Variants in NRXN1 observed in about 807,000 individuals in gnomAD.
The protein encoded by NRXN1 is neurexin 1, also known as neurexin-1.
Under a neutral mutation model 150.9 loss-of-function variants are expected in NRXN1, and 39 were observed. That is an observed-to-expected ratio of 0.26 (90% CI 0.20 to 0.34). The LOEUF (loss-of-function observed/expected upper bound fraction) is 0.34, where lower values mean the gene tolerates loss of function less well. Among genes scored for constraint, NRXN1 ranks in the 10% least tolerant of loss-of-function variants. The probability of loss-of-function intolerance (pLI) is 1.00; values close to 1 mark genes in which losing one functional copy is unlikely to be tolerated. For synonymous variants in NRXN1, 924 were observed against 757.0 expected (o/e 1.22, Z -3.62); for missense variants, 1,815 against 1,949.9 (o/e 0.93, Z 1.30).
chr2:50,722,445 A>G (rs1169102150), intron 5 of NRXN1, among the ~76,000 whole-genome samples: 4 of 152,220 alleles, frequency 2.6e-5, no homozygotes, highest in African/African-American at 7.2e-5. Context: ...ATGGAATACC[A>G]CATAGCCATT....
At chr2:50,656,757 A>T (rs1275261251) in intron 5 of NRXN1, among the ~76,000 whole-genome samples, 1 of 151,932 alleles carries the variant, frequency 6.6e-6, no homozygotes, top group Non-Finnish European at 1.5e-5. Context: ...AGAAAAAAAA[A>T]AAGACAAAAC....
intron 5 of NRXN1, among the ~76,000 whole-genome samples, chr2:50,767,192 T>C (rs896878221): frequency 6.6e-6 from 1 of 152,092 alleles, no homozygotes; most frequent in Non-Finnish European, 1.5e-5. Flanking sequence ...TCTTGGAGTA[T>C]ATGCCTTAAA....
At chr2:50,228,078 C>T (rs1397684591) in intron 18 of NRXN1, among the ~76,000 whole-genome samples, 1 of 151,940 alleles carries the variant, frequency 6.6e-6, no homozygotes, top group Non-Finnish European at 1.5e-5. Flanking sequence ...GTTTTGACAG[C>T]TTGGCATAAG....
At chr2:50,866,343 T>A (rs748449123) in intron 5 of NRXN1, among the ~76,000 whole-genome samples, 1 of 151,996 alleles carries the variant, frequency 6.6e-6, no homozygotes, top group Non-Finnish European at 1.5e-5. Context: ...TAAATTATTA[T>A]GAATTGTGTA....
intron 5 of NRXN1, among the ~76,000 whole-genome samples, chr2:50,779,975 C>A (rs1044341012): frequency 6.6e-6 from 1 of 152,084 alleles, no homozygotes; most frequent in Non-Finnish European, 1.5e-5. Context: ...ATAATTTACA[C>A]TCCCACCAAC....
At position 50,739,216 on chromosome 2, in the gene NRXN1, G is replaced by A. The variant is rs145861836; in HGVS notation, c.833-115601C>T. On this transcript the variant is annotated intron_variant, in intron 5 of 22. Transcript: ENST00000401669. Reference sequence around the variant, plus strand: ...ATTTTCTGACAGTACAGTAGAAATCGACCAAGGGCACTGGGTTCATTGAGG... The same window carrying A: ...ATTTTCTGACAGTACAGTAGAAATCAACCAAGGGCACTGGGTTCATTGAGG... The A allele has an allele frequency of 2.6e-3, 1,270 of 489,400 alleles. 9 individuals are homozygous for A. Among genetic ancestry groups the A allele is most frequent in the Non-Finnish European group, 4.5e-3 (1,101 of 243,574 alleles). 30.3% of individuals were successfully genotyped at this position (489,400 alleles called of 1,614,324 possible). A position where few individuals can be genotyped will look rare whatever the true frequency, so the allele number is the denominator to read the frequency against.
At chr2:50,025,053 G>A (rs1370099959) in intron 21 of NRXN1, among the ~76,000 whole-genome samples, 1 of 152,126 alleles carries the variant, frequency 6.6e-6, no homozygotes. Flanking sequence ...CACTGCACTA[G>A]ATACTGTGAA....
intron 18 of NRXN1, among the ~76,000 whole-genome samples, chr2:50,106,202 A>C (rs1701621229): frequency 6.6e-6 from 1 of 151,810 alleles, no homozygotes; most frequent in African/African-American, 2.4e-5. Context: ...CAACCTCTAC[A>C]TTATTACCAT....
At chr2:50,541,555 A>G (rs1340838309) in intron 9 of NRXN1, among the ~76,000 whole-genome samples, 1 of 152,184 alleles carries the variant, frequency 6.6e-6, no homozygotes, top group African/African-American at 2.4e-5. Context: ...GAGTTCAAAT[A>G]AGTTATTTTA....
chr2:50,940,719 A>G (rs1204868727), intron 2 of NRXN1, among the ~76,000 whole-genome samples: 1 of 152,176 alleles, frequency 6.6e-6, no homozygotes, highest in African/African-American at 2.4e-5. Flanking sequence ...ATTTTAGATG[A>G]GAAACTGGAA....
At chr2:50,771,594 T>C (rs112462770) in intron 5 of NRXN1, among the ~76,000 whole-genome samples, 8 of 152,188 alleles carry the variant, frequency 5.3e-5, no homozygotes, top group African/African-American at 1.9e-4. Flanking sequence ...GGTGAGAATT[T>C]GAATAGTACA....
intron 17 of NRXN1, among the ~76,000 whole-genome samples, chr2:50,358,136 A>C (rs1229458348): frequency 6.6e-6 from 1 of 152,156 alleles, no homozygotes; most frequent in Non-Finnish European, 1.5e-5. Flanking sequence ...CTGGGTTTCA[A>C]GCACAAAACT....
At chr2:50,421,932 G>A (rs1278234362) in intron 17 of NRXN1, among the ~76,000 whole-genome samples, 1 of 152,078 alleles carries the variant, frequency 6.6e-6, no homozygotes. Context: ...ACCCTTCAGT[G>A]GAACTGCATG....
intron 17 of NRXN1, among the ~76,000 whole-genome samples, chr2:50,328,550 C>G (rs1355719447): frequency 6.6e-6 from 1 of 151,992 alleles, no homozygotes; most frequent in Admixed American, 6.6e-5. Flanking sequence ...GCCTGGCCAA[C>G]AGGGTGAAAC....
intron 21 of NRXN1, among the ~76,000 whole-genome samples, chr2:49,946,733 C>G (rs1425267238): frequency 6.6e-6 from 1 of 151,776 alleles, no homozygotes; most frequent in Non-Finnish European, 1.5e-5. Flanking sequence ...CATATGGAAC[C>G]AAAAAAGAGC....
intron 5 of NRXN1, among the ~76,000 whole-genome samples, chr2:50,743,350 T>C (rs1324554233): frequency 6.6e-6 from 1 of 152,130 alleles, no homozygotes; most frequent in Non-Finnish European, 1.5e-5. Flanking sequence ...AATAAGAAGA[T>C]GTTAATTGAG....
At position 51,028,519 on chromosome 2, in the gene NRXN1, G is replaced by C; in HGVS notation, c.-246C>G. ...ACCCCAGTGGTACAGGGTAGCCACA[G>C]AACTTCCAGACCAAAGGGAGGATGC... On this transcript the variant is annotated 5_prime_UTR_variant, in exon 2 of 23. Coordinates refer to ENST00000401669, the MANE Select transcript of NRXN1 (RefSeq NM_001330078.2). 1 of 398,612 alleles carries C rather than the reference G, an allele frequency of 2.5e-6. No homozygotes were observed. Among genetic ancestry groups the C allele is most frequent in the Non-Finnish European group, 4.4e-6 (1 of 225,176 alleles). 24.7% of individuals were successfully genotyped at this position (398,612 alleles called of 1,614,324 possible).
intron 5 of NRXN1, among the ~76,000 whole-genome samples, chr2:50,750,203 A>G (rs952774318): frequency 2.0e-5 from 3 of 152,022 alleles, no homozygotes; most frequent in Non-Finnish European, 4.4e-5. Flanking sequence ...TGAGGCTGAA[A>G]CAACTACATC....
At position 50,053,577 on chromosome 2, in the gene NRXN1, T is replaced by G. The variant is rs200468369; in HGVS notation, c.3822A>C (p.Thr1274=). ...TTATGGTTGCTTGGCTATTGAAGAT[T>G]GTGAGCTGACGCCCTGTAAAAATAA... ...EWLLDKGRQL[T]IFNSQATIII... Residue 1274 remains threonine, a synonymous_variant, in exon 21 of 23, where the codon ACA becomes ACC. Transcript: ENST00000401669. The G allele has an allele frequency of 6.2e-6, 10 of 1,613,972 alleles. No homozygotes were observed. In the Admixed American group the frequency reaches 1.5e-4, roughly 24 times the overall value.
Sources: gnomAD v4.1 joint callset for allele counts (sites outside exome capture counted in the v4.1 genomes callset) on GRCh38, gnomAD v4.1.1 for gene constraint, MANE v1.5 for transcripts, NCBI Gene and HGNC (gene_info 2026-07-23, HGNC 2026-07-21) for gene names.